The following ZSCAN23 variants were observed in gnomAD, a reference collection of about 807,000 sequenced individuals.
ZSCAN23 encodes zinc finger and SCAN domain-containing protein 23.
In ZSCAN23, 19 loss-of-function variants were observed where a neutral mutation model predicts 19.3. The ratio of observed to expected loss-of-function variants is 0.99; its 90% confidence interval spans 0.69 to 1.45. The LOEUF is 1.45. Among genes scored for constraint, ZSCAN23 ranks in the 40% most tolerant of loss-of-function variants. ZSCAN23 has a pLI of 0.00. For missense variants in ZSCAN23, 372 were observed against 462.5 expected (o/e 0.80, Z 1.79); for synonymous variants, 140 against 166.2 (o/e 0.84, Z 1.21).
intron 1 of ZSCAN23, 42 bp downstream of exon 1, chr6:28,443,357 C>T (rs1224272629): frequency 6.6e-6 from 1 of 152,612 alleles, no homozygotes; most frequent in African/African-American, 2.4e-5. Flanking sequence ...ACAGACTGGC[C>T]CTTCCGAAGC....
chr6:28,426,274 C>G, the ZSCAN23 span, among the ~76,000 whole-genome samples: 4 of 152,342 alleles, frequency 2.6e-5, no homozygotes, highest in East Asian at 7.7e-4. Context: ...CCTCACTAAG[C>G]TTAATCATTT....
chr6:28,436,513 A>C (rs1761892167), intron 1 of ZSCAN23, among the ~76,000 whole-genome samples, 170 bp from the exon 2 acceptor site: 1 of 152,208 alleles, frequency 6.6e-6, no homozygotes, highest in African/African-American at 2.4e-5. Context: ...TAGGAAGAAA[A>C]AAGAAATGGA....
chr6:28,432,417 C>CA (rs1221511902), downstream of ZSCAN23, among the ~76,000 whole-genome samples: 2 of 152,072 alleles, frequency 1.3e-5, no homozygotes, highest in African/African-American at 4.8e-5. Context: ...ATAATACCCG[C>CA]AATAAGCCTT....
In ZSCAN23 at chr6:28,434,251, G is replaced by A. The variant is rs918979942; in HGVS notation, c.*214C>T. 5.7e-6 allele frequency: 3 copies of A among 524,848 alleles called. No homozygotes were observed. Among genetic ancestry groups the A allele is most frequent in the African/African-American group, 5.6e-5 (3 of 53,266 alleles). The allele number at this position is 524,848 out of a possible 1,614,324, so 32.5% of individuals were successfully genotyped here. A position where few individuals can be genotyped will look rare whatever the true frequency, so the allele number is the denominator to read the frequency against. On this transcript the variant is annotated 3_prime_UTR_variant, in exon 4 of 4. Transcript: ENST00000289788. ...AGATGTGTGTGAAACTAGGTCTACA[G>A]CATACATGATGAAATCAACACAAGA...
At chr6:28,423,243 A>C in the ZSCAN23 span, among the ~76,000 whole-genome samples, 1 of 152,388 alleles carries the variant, frequency 6.6e-6, no homozygotes, top group South Asian at 2.1e-4. Flanking sequence ...AGTTAAAAAA[A>C]ACTCACCAAA....
chr6:28,425,906 T>A, the ZSCAN23 span, among the ~76,000 whole-genome samples: 1 of 152,254 alleles, frequency 6.6e-6, no homozygotes, highest in Admixed American at 6.5e-5. Context: ...TGCTTCACTT[T>A]GCACTGTTAT....
chr6:28,423,066 C>T, the ZSCAN23 span, among the ~76,000 whole-genome samples: 52,325 of 151,944 alleles, frequency 0.34, 9,561 homozygotes, highest in African/African-American at 0.47. Context: ...GGGTGGGGAA[C>T]TGGGCACAAT....
the ZSCAN23 span, among the ~76,000 whole-genome samples, chr6:28,424,117 T>C: frequency 6.6e-6 from 1 of 152,206 alleles, no homozygotes; most frequent in Admixed American, 6.5e-5. Flanking sequence ...ATATTGCAGA[T>C]TTGGTTCTAG....
chr6:28,430,520 A>G (rs1581800471), downstream of ZSCAN23, among the ~76,000 whole-genome samples: 1 of 152,122 alleles, frequency 6.6e-6, no homozygotes, highest in Non-Finnish European at 1.5e-5. Context: ...CTTGTTCTCC[A>G]TTGTTTTAAA....
chr6:28,429,254 T>C (rs1178609027), downstream of ZSCAN23, among the ~76,000 whole-genome samples: 1 of 152,242 alleles, frequency 6.6e-6, no homozygotes, highest in South Asian at 2.1e-4. Flanking sequence ...ATGCCTTTTA[T>C]CTGGCTTATT....
chr6:28,427,125 T>C (rs1029903669), downstream of ZSCAN23, among the ~76,000 whole-genome samples: 18 of 152,202 alleles, frequency 1.2e-4, no homozygotes, highest in African/African-American at 4.1e-4. Context: ...ATAGTGTGCA[T>C]GTCAGTCAGG....
In ZSCAN23 at chr6:28,434,654, G is replaced by A; in HGVS notation, c.981C>T (p.His327=). ...TGCACTGGTAAGGCTTCTCCCCAGT[G>A]TGAATTCTGAGGTGATGGAAAAGCC... ...NAGLFHHLRI[H]TGEKPYQCNQ... is the part of the protein sequence containing the mutation. The change falls in exon 4 of 4, where the codon CAC becomes CAT. Residue 327 remains histidine, a synonymous_variant. Coordinates refer to ENST00000289788, the MANE Select transcript of ZSCAN23 (RefSeq NM_001012455.2). 1 of 1,567,234 alleles carries A rather than the reference G, an allele frequency of 6.4e-7. No individual in the cohort carries two copies. Among genetic ancestry groups the A allele is most frequent in the Non-Finnish European group, 8.7e-7 (1 of 1,155,946 alleles).
intron 3 of ZSCAN23, 50 bp from the exon 4 acceptor site, chr6:28,435,128 A>T (rs1043088666): frequency 1.4e-6 from 2 of 1,465,328 alleles, no homozygotes; most frequent in African/African-American, 2.9e-5. Flanking sequence ...AAAATAACAG[A>T]TTATCTTTCC....
chr6:28,436,582 A>G (rs1761893794), intron 1 of ZSCAN23, among the ~76,000 whole-genome samples: 1 of 152,236 alleles, frequency 6.6e-6, no homozygotes, highest in Non-Finnish European at 1.5e-5. Flanking sequence ...TGACCGAAAC[A>G]GCTCAAATCA....
In ZSCAN23 at chr6:28,434,635, G is replaced by C. The variant is rs1248053606; in HGVS notation, c.1000C>G (p.Gln334Glu). The change falls in exon 4 of 4, where the codon CAG becomes GAG. Residue 334 changes from glutamine to glutamate, a missense_variant. Transcript: ENST00000289788. ...LRIHTGEKPY[Q>E]CNQCNKSFSR... ...AAACTCTTATTGCACTGATTGCACT[G>C]GTAAGGCTTCTCCCCAGTGTGAATT... 1 of 1,561,536 alleles carries C rather than the reference G, an allele frequency of 6.4e-7. No individual in the cohort carries two copies. Among genetic ancestry groups the C allele is most frequent in the South Asian group, 1.2e-5 (1 of 85,092 alleles).
At chr6:28,435,165 G>C (rs956102769) in intron 3 of ZSCAN23, 87 bp from the exon 4 acceptor site, 1 of 1,410,256 alleles carries the variant, frequency 7.1e-7, no homozygotes, top group Non-Finnish European at 9.4e-7. Context: ...AAGTGGCCAG[G>C]AGAATGGGTG....
chr6:28,441,545 T>C (rs563407585), intron 1 of ZSCAN23, among the ~76,000 whole-genome samples: 3 of 152,214 alleles, frequency 2.0e-5, no homozygotes, highest in Admixed American at 2.0e-4. Context: ...GCTCACCCTC[T>C]TCCAACTGCC....
At chr6:28,423,019 A>C in the ZSCAN23 span, among the ~76,000 whole-genome samples, 3 of 152,168 alleles carry the variant, frequency 2.0e-5, no homozygotes, top group Non-Finnish European at 4.4e-5. Flanking sequence ...TGCCAGATAC[A>C]CTATTTGCGT....
chr6:28,432,130 CAGAA>C (rs1029162197), downstream of ZSCAN23: 2 of 152,096 alleles, frequency 1.3e-5, no homozygotes, highest in Non-Finnish European at 2.9e-5. Flanking sequence ...CAATAAAAGA[CAGAA>C]AGATTACTAC....
Sources: allele counts gnomAD v4.1 joint callset (sites outside exome capture counted in the v4.1 genomes callset), GRCh38; gene constraint gnomAD v4.1.1; transcripts MANE v1.5; gene names NCBI Gene and HGNC (gene_info 2026-07-23, HGNC 2026-07-21).